The following EHD3 variants were observed in gnomAD, a reference collection of about 807,000 sequenced individuals.
EHD3 encodes the protein EH domain containing 3.
EHD3 carries 17 observed loss-of-function variants against 43.0 expected under a neutral mutation model. That is an observed-to-expected ratio of 0.40 (90% CI 0.27 to 0.59). The LOEUF is 0.59. Ranked by LOEUF, EHD3 falls within the 20% of genes least tolerant of loss-of-function variation. The pLI, the probability that EHD3 is intolerant of heterozygous loss-of-function variation, is 0.49. For missense variants in EHD3, 594 were observed against 705.6 expected, an observed-to-expected ratio of 0.84 and a Z score of 1.79; for synonymous variants, 313 against 289.5, an observed-to-expected ratio of 1.08 and a Z score of -0.82.
intron 2 of EHD3, among the ~76,000 whole-genome samples, chr2:31,248,927 C>T (rs7581852): frequency 0.029 from 4,477 of 152,176 alleles, 230 homozygotes; most frequent in African/African-American, 0.1. Context: ...TGAAGAGGAG[C>T]CAGGGGGTCT....
At chr2:31,262,133 T>G (rs1014148006) in intron 5 of EHD3, among the ~76,000 whole-genome samples, 4 of 152,184 alleles carry the variant, frequency 2.6e-5, no homozygotes, top group Non-Finnish European at 5.9e-5. Context: ...GACACGAGCT[T>G]CGGGGAGGCA....
In EHD3 at chr2:31,260,689, C is replaced by T. The variant is rs1401845927; in HGVS notation, c.682C>T (p.Gln228Ter). Residue 228 changes from glutamine (Q) to a stop codon, truncating the protein, a stop_gained, in exon 4 of 6, where the codon CAG becomes TAG. Transcript: ENST00000322054. LOFTEE classifies it high-confidence loss of function. This position sits in a 1 kb window ranked among gnomAD's most constrained non-coding sequence, Gnocchi z 4.6. ...CAAAGCTGACCAGATCGAGACGCAG[C>T]AGCTGATGCGGGTGTACGGGGCCCT... ...LNKADQIETQ[Q>*]LMRVYGALMW... The T allele has an allele frequency of 6.2e-7, 1 of 1,614,216 alleles. No individual in the cohort carries two copies. The highest frequency in any genetic ancestry group is 1.7e-5 in the Admixed American group (1 of 60,024).
rs755361043 is a variant in EHD3 at position 31,266,311 on chromosome 2, C to T, written c.1215C>T (p.Pro405=). The change falls in exon 6 of 6, where the codon CCC becomes CCT. Residue 405 remains proline, a synonymous_variant. Coordinates refer to ENST00000322054, the MANE Select transcript of EHD3 (RefSeq NM_014600.3). This position sits in a 1 kb window ranked among gnomAD's most constrained non-coding sequence, Gnocchi z 5.1. ...VLVRQEESQR[P]IQMVKGGAFE... The stretch of plus-strand genomic sequence containing the variant: ...TGCGCCAGGAGGAGTCACAGCGGCC[C>T]ATCCAGATGGTGAAGGGCGGAGCGT... The T allele has an allele frequency of 1.2e-6, 2 of 1,614,186 alleles. No homozygotes were observed. Among genetic ancestry groups the T allele is most frequent in the Non-Finnish European group, 8.5e-7 (1 of 1,180,042 alleles).
chr2:31,242,384 G>C (rs1305659365), intron 1 of EHD3, among the ~76,000 whole-genome samples: 1 of 152,156 alleles, frequency 6.6e-6, no homozygotes. Context: ...GTAACTTTTT[G>C]ACACCTGTTT....
At chr2:31,235,545 GT>G (rs1345283672) in intron 1 of EHD3, among the ~76,000 whole-genome samples, 3 of 152,286 alleles carry the variant, frequency 2.0e-5, no homozygotes, top group African/African-American at 7.2e-5. Flanking sequence ...GTCTCATCCA[GT>G]TGCTGAGTTT....
Position 31,234,300 on chromosome 2 carries a change from TTGGGA to T in EHD3, c.-321_-317del. 1 of 41,310 alleles carries T rather than the reference TTGGGA, an allele frequency of 2.4e-5. No homozygotes were observed. The highest frequency in any genetic ancestry group is 7.5e-4 in the South Asian group (1 of 1,334). The allele number at this position is 41,310 out of a possible 1,614,324, so 2.6% of individuals were successfully genotyped here. The stretch of plus-strand genomic sequence containing the variant: ...CTGGGGGCCGATCGGGGACCCCGGC[TTGGGA>T]CCCCGGCATCTGGCAGTTTCCTTGC... On this transcript the variant is annotated 5_prime_UTR_variant, in exon 1 of 6. Coordinates refer to ENST00000322054, the MANE Select transcript of EHD3 (RefSeq NM_014600.3).
At position 31,260,939 on chromosome 2, in the gene EHD3, G is replaced by T; in HGVS notation, c.915+17G>T. ...CTGGCCAAGGTGAGGCAGCCCCCTG[G>T]GAGGTGGGCAGCTTGGGCAGGGGCC... On this transcript the variant is annotated intron_variant, in intron 4 of 5. Coordinates refer to ENST00000322054, the MANE Select transcript of EHD3 (RefSeq NM_014600.3). The surrounding 1 kb of genome is among the most constrained non-coding windows in gnomAD (Gnocchi z 4.6). The T allele has an allele frequency of 2.5e-6, 4 of 1,575,214 alleles. No homozygotes were observed. Among genetic ancestry groups the T allele is most frequent in the Non-Finnish European group, 3.4e-6 (4 of 1,162,182 alleles).
chr2:31,236,158 T>G (rs1233147044), intron 1 of EHD3, among the ~76,000 whole-genome samples: 1 of 152,208 alleles, frequency 6.6e-6, no homozygotes, highest in African/African-American at 2.4e-5. Flanking sequence ...ACGCCAGCCT[T>G]CTGGAAGTAG....
At chr2:31,265,859 T>C (rs1683938444) in intron 5 of EHD3, among the ~76,000 whole-genome samples, 1 of 152,152 alleles carries the variant, frequency 6.6e-6, no homozygotes, top group African/African-American at 2.4e-5. Flanking sequence ...TGATTTCCTC[T>C]CTGGAATGAC....
chr2:31,246,759 G>A (rs1203281882), intron 2 of EHD3, among the ~76,000 whole-genome samples: 1 of 152,056 alleles, frequency 6.6e-6, no homozygotes, highest in Non-Finnish European at 1.5e-5. Context: ...TTTACTTTGA[G>A]TAAAGACACC....
At chr2:31,239,630 C>T (rs1292653497) in intron 1 of EHD3, among the ~76,000 whole-genome samples, 1 of 152,180 alleles carries the variant, frequency 6.6e-6, no homozygotes, top group Non-Finnish European at 1.5e-5. Context: ...CCACTTCCTG[C>T]CCAGGGACCT....
chr2:31,266,560 C>T lies in EHD3; in HGVS notation c.1464C>T (p.Ala488=), dbSNP rs770412826. 23 of 1,613,972 alleles carry T rather than the reference C, an allele frequency of 1.4e-5. 1 individual carries two copies. The highest frequency in any genetic ancestry group is 9.9e-5 in the South Asian group (9 of 91,084). ...TGCTGGGCAAGATCTGGAAGCTGGCCGACATTGACAAGGATGGCATGCTGG... is the reference window on the plus strand; with the variant it reads ...TGCTGGGCAAGATCTGGAAGCTGGCTGACATTGACAAGGATGGCATGCTGG... ...NSVLGKIWKL[A]DIDKDGMLDD... is the part of the protein sequence containing the mutation. The change falls in exon 6 of 6, where the codon GCC becomes GCT. Residue 488 remains alanine (A), a synonymous_variant. Transcript: ENST00000322054. This position sits in a 1 kb window ranked among gnomAD's most constrained non-coding sequence, Gnocchi z 5.1.
chr2:31,237,873 C>T (rs1475946326), intron 1 of EHD3, among the ~76,000 whole-genome samples: 2 of 152,048 alleles, frequency 1.3e-5, no homozygotes, highest in Non-Finnish European at 2.9e-5. Context: ...TGTGTATATA[C>T]GATTCTTCAC....
At chr2:31,256,992 T>G (rs1382047334) in intron 3 of EHD3, among the ~76,000 whole-genome samples, 1 of 151,980 alleles carries the variant, frequency 6.6e-6, no homozygotes, top group Non-Finnish European at 1.5e-5. Flanking sequence ...AGCCAATATA[T>G]TGGGGCTGAG....
chr2:31,234,926 C>A, intron 1 of EHD3, 78 bp downstream of exon 1: 2 of 1,383,336 alleles, frequency 1.4e-6, no homozygotes, highest in Non-Finnish European at 1.0e-6. Flanking sequence ...GTGCTCCATC[C>A]CAGACAGGGG....
chr2:31,261,508 G>C (rs768096376), intron 4 of EHD3, 41 bp from the exon 5 acceptor site: 3 of 1,610,704 alleles, frequency 1.9e-6, no homozygotes, highest in Non-Finnish European at 2.5e-6. Context: ...GGACCGTCCA[G>C]GGTCTTGATG....
In EHD3 at chr2:31,269,250, G is replaced by A. The variant is rs551247553; in HGVS notation, c.*2546G>A. The A allele has an allele frequency of 6.6e-6, 1 of 152,276 alleles. No individual in the cohort carries two copies. Among genetic ancestry groups the A allele is most frequent in the South Asian group, 2.1e-4 (1 of 4,826 alleles). The allele number at this position is 152,276 out of a possible 1,614,324, so 9.4% of individuals were successfully genotyped here. A position where few individuals can be genotyped will look rare whatever the true frequency, so the allele number is the denominator to read the frequency against. ...TCCTTGCCCCGACATTACTCAGTCT[G>A]GGCCATGGAATCCATCCAATAAACA... On this transcript the variant is annotated 3_prime_UTR_variant, in exon 6 of 6. Coordinates refer to ENST00000322054, the MANE Select transcript of EHD3 (RefSeq NM_014600.3).
chr2:31,255,832 A>G (rs1683741407), intron 3 of EHD3, among the ~76,000 whole-genome samples: 1 of 152,156 alleles, frequency 6.6e-6, no homozygotes, highest in Non-Finnish European at 1.5e-5. Context: ...TCACGGAAAG[A>G]GTTCCCAGAA....
At chr2:31,234,956 T>C in intron 1 of EHD3, 108 bp downstream of exon 1, 7 of 1,017,274 alleles carry the variant, frequency 6.9e-6, no homozygotes, top group South Asian at 3.0e-5. Flanking sequence ...AAGCCTTCAG[T>C]TGAGGGCTCT....
Sources: gnomAD v4.1 joint callset for allele counts (sites outside exome capture counted in the v4.1 genomes callset) on GRCh38, gnomAD v4.1.1 for gene constraint, Gnocchi (gnomAD v3.1) non-coding constraint, MANE v1.5 for transcripts, NCBI Gene and HGNC (gene_info 2026-07-23, HGNC 2026-07-21) for gene names.